Variants in ZHX3 observed in about 807,000 individuals in gnomAD.
The protein encoded by ZHX3 is zinc fingers and homeoboxes protein 3.
A neutral mutation model predicts 64.5 loss-of-function variants in ZHX3; 20 were observed. The observed-to-expected ratio is 0.31, with a 90% CI of 0.22 to 0.45. ZHX3 has a LOEUF of 0.45. ZHX3 is among the 20% of genes least tolerant of loss of function. The probability of loss-of-function intolerance (pLI) is 1.00; values close to 1 mark genes in which losing one functional copy is unlikely to be tolerated. For missense variants in ZHX3, 1,041 were observed against 1,195.8 expected (o/e 0.87, Z 1.91); for synonymous variants, 423 against 461.6 (o/e 0.92, Z 1.07).
intron 1 of ZHX3, among the ~76,000 whole-genome samples, chr20:41,281,587 TCTTA>T (rs2043678815): frequency 6.6e-6 from 1 of 152,222 alleles, no homozygotes; most frequent in African/African-American, 2.4e-5. Context: ...ATAAAATCTT[TCTTA>T]CTTGCGGAAG....
chr20:41,225,681 T>A (rs1044224142), intron 2 of ZHX3, among the ~76,000 whole-genome samples: 2 of 152,138 alleles, frequency 1.3e-5, no homozygotes, highest in Admixed American at 6.5e-5. Flanking sequence ...AGAGACAGGG[T>A]TTCGCCATGT....
At chr20:41,243,847 G>C (rs1017569309) in intron 2 of ZHX3, among the ~76,000 whole-genome samples, 1 of 152,066 alleles carries the variant, frequency 6.6e-6, no homozygotes, top group African/African-American at 2.4e-5. Flanking sequence ...CCTATGACGA[G>C]GATCAACTCT....
intron 2 of ZHX3, chr20:41,213,717 CCT>C (rs2039325006): frequency 6.6e-6 from 1 of 152,152 alleles, no homozygotes; most frequent in Admixed American, 6.6e-5. Context: ...ATATAGTGTT[CCT>C]GGTATTTTAC....
intron 2 of ZHX3, chr20:41,267,505 A>C (rs2042921187): frequency 6.6e-6 from 1 of 152,258 alleles, no homozygotes; most frequent in Non-Finnish European, 1.5e-5. Context: ...CTGGGGATAA[A>C]GTTCTTGCCC....
intron 2 of ZHX3, among the ~76,000 whole-genome samples, chr20:41,240,491 G>T (rs967157600): frequency 6.6e-6 from 1 of 152,080 alleles, no homozygotes; most frequent in Non-Finnish European, 1.5e-5. Context: ...AATCACATCA[G>T]GGTAAATGAG....
chr20:41,201,537 A>G lies in ZHX3; in HGVS notation c.2860+520T>C, dbSNP rs1488623295. On this transcript the variant is annotated intron_variant, in intron 3 of 3. Coordinates refer to ENST00000683867, the MANE Select transcript of ZHX3 (RefSeq NM_001384317.1). This position sits in a 1 kb window ranked among gnomAD's most constrained non-coding sequence, Gnocchi z 5.0. ...GCTTTTGATTCCATGTATGTCAAAG[A>G]AGGAAGGTGATTTTCCATTATACTA... 1.3e-5 allele frequency among the ~76,000 whole-genome samples: 2 copies of G among 152,242 alleles called. No individual in the cohort carries two copies. The highest frequency in any genetic ancestry group is 2.9e-5 in the Non-Finnish European group (2 of 68,030).
At chr20:41,277,018 G>C (rs920770455) in intron 1 of ZHX3, among the ~76,000 whole-genome samples, 1 of 152,224 alleles carries the variant, frequency 6.6e-6, no homozygotes, top group Non-Finnish European at 1.5e-5. Context: ...TGGAGTTCTA[G>C]AAAAGACAAA....
At chr20:41,263,168 C>G (rs6124335) in intron 2 of ZHX3, among the ~76,000 whole-genome samples, 39,774 of 151,690 alleles carry the variant, frequency 0.26, 5,982 homozygotes, top group East Asian at 0.73. Context: ...GATATAGAAC[C>G]TTCAAAGATA....
intron 3 of ZHX3, among the ~76,000 whole-genome samples, chr20:41,188,976 A>G (rs2036773716): frequency 6.6e-6 from 1 of 152,130 alleles, no homozygotes; most frequent in South Asian, 2.1e-4. Flanking sequence ...TCATAATTCA[A>G]GGTCTTATAT....
chr20:41,207,064 A>G (rs1311473893), intron 2 of ZHX3, among the ~76,000 whole-genome samples: 5 of 152,230 alleles, frequency 3.3e-5, no homozygotes, highest in African/African-American at 1.2e-4. Flanking sequence ...TTCATAAGTG[A>G]AGGAGAAATA....
chr20:41,217,367 T>C (rs1261698685), intron 2 of ZHX3, among the ~76,000 whole-genome samples: 1 of 152,110 alleles, frequency 6.6e-6, no homozygotes, highest in Non-Finnish European at 1.5e-5. Context: ...GGGATATATA[T>C]GGCTCATATA....
chr20:41,236,524 G>A (rs1164265515), intron 2 of ZHX3, among the ~76,000 whole-genome samples: 1 of 152,192 alleles, frequency 6.6e-6, no homozygotes, highest in Admixed American at 6.5e-5. Flanking sequence ...ATGGGGGAAG[G>A]ATTCCCTATT....
At chr20:41,252,897 C>T (rs896694833) in intron 2 of ZHX3, among the ~76,000 whole-genome samples, 15 of 152,118 alleles carry the variant, frequency 9.9e-5, no homozygotes, top group African/African-American at 3.4e-4. Context: ...TGTAAGATGC[C>T]TCCTTGTTGA....
At chr20:41,297,605 C>T (rs569920082) in intron 1 of ZHX3, among the ~76,000 whole-genome samples, 31 of 152,268 alleles carry the variant, frequency 2.0e-4, no homozygotes, top group African/African-American at 5.8e-4. Flanking sequence ...GTGTTAGCCT[C>T]GGATGGAGTG....
chr20:41,248,861 T>A (rs1405675978), intron 2 of ZHX3, among the ~76,000 whole-genome samples: 1 of 152,114 alleles, frequency 6.6e-6, no homozygotes, highest in Non-Finnish European at 1.5e-5. Flanking sequence ...AAAAGATTTT[T>A]CCCCCCTGAC....
intron 2 of ZHX3, among the ~76,000 whole-genome samples, chr20:41,244,038 T>A (rs1363696392): frequency 6.6e-6 from 1 of 152,128 alleles, no homozygotes; most frequent in Non-Finnish European, 1.5e-5. Context: ...TAGGGCTAGA[T>A]AATCCTATGT....
At chr20:41,284,085 C>T (rs1437323226) in intron 1 of ZHX3, among the ~76,000 whole-genome samples, 1 of 152,088 alleles carries the variant, frequency 6.6e-6, no homozygotes, top group Non-Finnish European at 1.5e-5. Flanking sequence ...AATGAGTTAG[C>T]GTCCCCAGAG....
intron 1 of ZHX3, among the ~76,000 whole-genome samples, chr20:41,271,337 A>T (rs1268041497): frequency 6.6e-6 from 1 of 152,206 alleles, no homozygotes; most frequent in Non-Finnish European, 1.5e-5. Flanking sequence ...TTTTTTTAGA[A>T]AAATAGCCAG....
intron 2 of ZHX3, among the ~76,000 whole-genome samples, chr20:41,257,778 AG>A (rs1245641440): frequency 0.015 from 2,077 of 141,352 alleles, 44 homozygotes; most frequent in African/African-American, 0.032. Context: ...TGCCTGGCTA[AG>A]TTTTCGTATT....
Sources: allele counts gnomAD v4.1 joint callset (sites outside exome capture counted in the v4.1 genomes callset), GRCh38; gene constraint gnomAD v4.1.1; non-coding constraint Gnocchi (gnomAD v3.1); transcripts MANE v1.5; gene names NCBI Gene and HGNC (gene_info 2026-07-23, HGNC 2026-07-21).